The following ADGB variants were observed in gnomAD, a reference collection of about 807,000 sequenced individuals.
The protein encoded by ADGB is androglobin.
A neutral mutation model predicts 210.5 loss-of-function variants in ADGB; 172 were observed. That is an observed-to-expected ratio of 0.82 (90% CI 0.72 to 0.93). The LOEUF (loss-of-function observed/expected upper bound fraction) is 0.93, where lower values mean the gene tolerates loss of function less well. Among genes scored for constraint, ADGB ranks in the 40% least tolerant of loss-of-function variants. The pLI is 0.00. For missense variants in ADGB, 2,025 were observed against 1,964.8 expected, an observed-to-expected ratio of 1.03 and a Z score of -0.58; for synonymous variants, 658 against 662.7, an observed-to-expected ratio of 0.99 and a Z score of 0.11.
At chr6:146,664,968 A>G (rs151019111) in intron 6 of ADGB, among the ~76,000 whole-genome samples, 2 of 152,182 alleles carry the variant, frequency 1.3e-5, no homozygotes, top group Admixed American at 6.6e-5. Context: ...AGAGAAAAGG[A>G]GTCATACCAT....
intron 22 of ADGB, among the ~76,000 whole-genome samples, chr6:146,734,929 A>G (rs1360167152): frequency 6.6e-6 from 1 of 152,088 alleles, no homozygotes; most frequent in Non-Finnish European, 1.5e-5. Context: ...AAAACAAAAA[A>G]CAAAAAATAT....
chr6:146,654,270 TC>T lies in ADGB; in HGVS notation c.402+67del, dbSNP rs140799614. On this transcript the variant is annotated intron_variant, in intron 4 of 35. Coordinates refer to ENST00000397944, the MANE Select transcript of ADGB (RefSeq NM_024694.4). ...TGACTTCCAGTCCTGCTTAAACCAT[TC>T]CCAGACAGTCGATTTCAACTCTCCC... The T allele has an allele frequency of 3.6e-3, 3,988 of 1,105,308 alleles. 105 individuals are homozygous for T. In the African/African-American group the frequency reaches 0.055, roughly 15 times the overall value. The allele number at this position is 1,105,308 out of a possible 1,614,324, so 68.5% of individuals were successfully genotyped here.
At chr6:146,689,679 G>A (rs998057919) in intron 10 of ADGB, among the ~76,000 whole-genome samples, 1 of 152,076 alleles carries the variant, frequency 6.6e-6, no homozygotes, top group Non-Finnish European at 1.5e-5. Context: ...ACCACTTTGA[G>A]TTTGACTTCT....
chr6:146,805,388 C>T (rs75867297), intron 35 of ADGB, among the ~76,000 whole-genome samples: 2,346 of 152,262 alleles, frequency 0.015, 40 homozygotes, highest in South Asian at 0.045. Context: ...TTACAGCAGC[C>T]CCAGCAAGCT....
At chr6:146,757,264 C>T (rs1029855868) in intron 27 of ADGB, among the ~76,000 whole-genome samples, 1 of 150,744 alleles carries the variant, frequency 6.6e-6, no homozygotes, top group Non-Finnish European at 1.5e-5. Context: ...TAGAATAAAC[C>T]CTAGTTGATT....
intron 1 of ADGB, among the ~76,000 whole-genome samples, chr6:146,615,459 C>G (rs1780784436): frequency 6.6e-6 from 1 of 152,172 alleles, no homozygotes; most frequent in Non-Finnish European, 1.5e-5. Flanking sequence ...TTTTCTCTTT[C>G]TGCTATTTTG....
At position 146,660,446 on chromosome 6, in the gene ADGB, C is replaced by T. The variant is rs146320232; in HGVS notation, c.612+3466C>T. ...ACAGCAAATGATTTATTTATATCCTCCTAAGCTTTCTTCTATTCTTATAAA... is the reference window on the plus strand; with the variant it reads ...ACAGCAAATGATTTATTTATATCCTTCTAAGCTTTCTTCTATTCTTATAAA... On this transcript the variant is annotated intron_variant, in intron 5 of 35. Transcript: ENST00000397944. Among the ~76,000 whole-genome samples, 192 of 152,202 alleles carry T rather than the reference C, an allele frequency of 1.3e-3. 1 individual carries two copies. Among genetic ancestry groups the T allele is most frequent in the African/African-American group, 4.6e-3 (190 of 41,538 alleles).
chr6:146,668,224 A>T (rs1775962875), intron 7 of ADGB, among the ~76,000 whole-genome samples: 3 of 152,088 alleles, frequency 2.0e-5, no homozygotes, highest in Admixed American at 2.0e-4. Context: ...TCAGATACTG[A>T]CTTTTACAAG....
intron 6 of ADGB, among the ~76,000 whole-genome samples, chr6:146,665,815 C>T (rs1186268790): frequency 6.6e-6 from 1 of 152,034 alleles, no homozygotes; most frequent in Non-Finnish European, 1.5e-5. Context: ...ATAGTGATTG[C>T]TTTTATATGA....
At chr6:146,709,591 AC>A (rs1776630761) in intron 13 of ADGB, among the ~76,000 whole-genome samples, 1 of 152,188 alleles carries the variant, frequency 6.6e-6, no homozygotes, top group Non-Finnish European at 1.5e-5. Flanking sequence ...GACCTAGAGT[AC>A]CAGCTTCTGC....
intron 11 of ADGB, among the ~76,000 whole-genome samples, chr6:146,692,077 T>C (rs938241049): frequency 2.6e-5 from 4 of 152,180 alleles, no homozygotes; most frequent in African/African-American, 7.2e-5. Flanking sequence ...TTAAAACAGT[T>C]ATTCATTCAG....
chr6:146,810,123 A>C (rs1778283268), intron 35 of ADGB, among the ~76,000 whole-genome samples: 1 of 152,220 alleles, frequency 6.6e-6, no homozygotes, highest in Admixed American at 6.5e-5. Flanking sequence ...AAAAGCAAAT[A>C]ACCTGGTTTT....
chr6:146,717,220 A>G (rs1028854098), intron 15 of ADGB, among the ~76,000 whole-genome samples, 151 bp downstream of exon 15: 1 of 152,220 alleles, frequency 6.6e-6, no homozygotes, highest in African/African-American at 2.4e-5. Context: ...AAAATAAGCC[A>G]ATAACAGCCT....
chr6:146,600,926 G>GCACACACACACACA (rs35082520), intron 1 of ADGB, among the ~76,000 whole-genome samples: 1 of 144,454 alleles, frequency 6.9e-6, no homozygotes, highest in Admixed American at 6.8e-5. Flanking sequence ...TCCCCCATGC[G>GCACACACACACACA]CACACACACA....
Position 146,646,052 on chromosome 6 carries a change from A to G in ADGB, c.330+1187A>G, listed in dbSNP as rs116073335. On this transcript the variant is annotated intron_variant, in intron 3 of 35. Transcript: ENST00000397944. ...TAAGTACATAGCTTACATTTCATAC[A>G]AATAAAGGGTGTGAATTCCACAAGA... Among the ~76,000 whole-genome samples, 712 of 152,228 alleles carry G rather than the reference A, an allele frequency of 4.7e-3. 5 individuals are homozygous for G. The highest frequency in any genetic ancestry group is 0.016 in the African/African-American group (675 of 41,552).
At chr6:146,647,984 T>C (rs1775646760) in intron 3 of ADGB, among the ~76,000 whole-genome samples, 1 of 151,882 alleles carries the variant, frequency 6.6e-6, no homozygotes, top group Non-Finnish European at 1.5e-5. Context: ...CATACAAAGG[T>C]TTTAAAAATA....
chr6:146,652,900 G>T (rs1301715812), intron 3 of ADGB, among the ~76,000 whole-genome samples: 1 of 152,066 alleles, frequency 6.6e-6, no homozygotes, highest in Non-Finnish European at 1.5e-5. Context: ...TAAAGCAGTG[G>T]TCCCCAACCC....
At chr6:146,622,966 T>C (rs1005662056) in intron 1 of ADGB, among the ~76,000 whole-genome samples, 1 of 152,046 alleles carries the variant, frequency 6.6e-6, no homozygotes, top group African/African-American at 2.4e-5. Context: ...TATTAATATT[T>C]CTTTATTCAA....
At chr6:146,656,705 T>TA (rs1379735321) in intron 4 of ADGB, 66 bp from the exon 5 acceptor site, 5 of 1,124,024 alleles carry the variant, frequency 4.4e-6, no homozygotes, top group African/African-American at 1.6e-5. Context: ...TTACTGTTTT[T>TA]ATCCCTAAAT....
Sources: allele counts gnomAD v4.1 joint callset (sites outside exome capture counted in the v4.1 genomes callset), GRCh38; gene constraint gnomAD v4.1.1; transcripts MANE v1.5; gene names NCBI Gene and HGNC (gene_info 2026-07-23, HGNC 2026-07-21).